The following TEAD1 variants were observed in gnomAD, a reference collection of about 807,000 sequenced individuals.
TEAD1 encodes TEA domain transcription factor 1.
A neutral mutation model predicts 54.9 loss-of-function variants in TEAD1; 9 were observed. The ratio of observed to expected loss-of-function variants is 0.16; its 90% CI spans 0.10 to 0.29. TEAD1 has a LOEUF of 0.29. Among genes scored for constraint, TEAD1 ranks in the 10% least tolerant of loss-of-function variants. The pLI, the probability that TEAD1 is intolerant of heterozygous loss-of-function variation, is 1.00. For missense variants in TEAD1, 387 were observed against 535.9 expected, an observed-to-expected ratio of 0.72 and a Z score of 2.74; for synonymous variants, 200 against 187.8, an observed-to-expected ratio of 1.07 and a Z score of -0.53.
At chr11:12,833,309 C>T (rs1946819320) in intron 3 of TEAD1, among the ~76,000 whole-genome samples, 1 of 152,176 alleles carries the variant, frequency 6.6e-6, no homozygotes. Context: ...TTCAGATCAT[C>T]TTAATTATGA....
Position 12,882,957 on chromosome 11 carries a change from G to C in TEAD1, c.575-44G>C, listed in dbSNP as rs552765194. ...TTCCAGTATTTGCCTGAGGCCCAAG[G>C]GGAGGTGAGTGACCAGCATCAAAGG... On this transcript the variant is annotated intron_variant, in intron 8 of 12. Transcript: ENST00000527636. 2.5e-6 allele frequency: 4 copies of C among 1,614,062 alleles called. No individual in the cohort carries two copies. In the East Asian group the frequency reaches 6.7e-5, roughly 27 times the overall value.
chr11:12,855,259 CT>C (rs1027121545), intron 3 of TEAD1, among the ~76,000 whole-genome samples: 7 of 151,988 alleles, frequency 4.6e-5, no homozygotes, highest in Non-Finnish European at 4.4e-5. Flanking sequence ...TGTTGGCTTG[CT>C]TGCTTTCTTT....
At chr11:12,687,699 C>T (rs186302322) in intron 2 of TEAD1, among the ~76,000 whole-genome samples, 7 of 152,176 alleles carry the variant, frequency 4.6e-5, no homozygotes, top group East Asian at 3.9e-4. Context: ...CATTTTACTC[C>T]CTCTTACAAA....
chr11:12,938,895 C>T lies in TEAD1; in HGVS notation c.*1673C>T, dbSNP rs1306492629. ...GAAATAAGTTTTTTAACTTGTAAAA[C>T]ATGTCAAGATTTTTCCACCAAGCTA... On this transcript the variant is annotated 3_prime_UTR_variant, in exon 13 of 13. Transcript: ENST00000527636. 2.0e-5 allele frequency: 3 copies of T among 152,192 alleles called. No individual in the cohort carries two copies. Among genetic ancestry groups the T allele is most frequent in the Non-Finnish European group, 4.4e-5 (3 of 68,040 alleles). The allele number at this position is 152,192 out of a possible 1,614,324, so 9.4% of individuals were successfully genotyped here.
At chr11:12,904,280 A>C (rs1308115055) in intron 10 of TEAD1, among the ~76,000 whole-genome samples, 1 of 152,174 alleles carries the variant, frequency 6.6e-6, no homozygotes, top group Non-Finnish European at 1.5e-5. Context: ...TATCACATCA[A>C]GGAAAACAAA....
chr11:12,808,205 T>C (rs1156263600), intron 3 of TEAD1, among the ~76,000 whole-genome samples: 2 of 151,834 alleles, frequency 1.3e-5, no homozygotes, highest in Non-Finnish European at 2.9e-5. Flanking sequence ...TCCTTGGGAA[T>C]AATCAAATAC....
At chr11:12,854,758 ATT>A (rs11364747) in intron 3 of TEAD1, among the ~76,000 whole-genome samples, 5,417 of 123,980 alleles carry the variant, frequency 0.044, 342 homozygotes, top group African/African-American at 0.14. Context: ...AGCCTGGCTG[ATT>A]TTTTTTTTTT....
intron 2 of TEAD1, among the ~76,000 whole-genome samples, chr11:12,679,843 T>G (rs974130843): frequency 5.2e-4 from 79 of 152,256 alleles, no homozygotes; most frequent in African/African-American, 1.9e-3. Context: ...GGGAATGAAA[T>G]GAGTGCCTTT....
chr11:12,931,806 A>G (rs1236680103), intron 12 of TEAD1, among the ~76,000 whole-genome samples: 2 of 152,240 alleles, frequency 1.3e-5, no homozygotes, highest in African/African-American at 2.4e-5. Flanking sequence ...ATTTAAAAAT[A>G]AAAACCCTGT....
intron 2 of TEAD1, among the ~76,000 whole-genome samples, chr11:12,696,930 T>C (rs1943598238): frequency 6.6e-6 from 1 of 152,146 alleles, no homozygotes; most frequent in South Asian, 2.1e-4. Flanking sequence ...CAAGAAGGGC[T>C]ACCCACTTCC....
chr11:12,807,014 G>A (rs908052620), intron 3 of TEAD1, among the ~76,000 whole-genome samples: 1 of 152,054 alleles, frequency 6.6e-6, no homozygotes, highest in Admixed American at 6.6e-5. Flanking sequence ...AATTTTCTGG[G>A]GAAGCAAATT....
intron 2 of TEAD1, among the ~76,000 whole-genome samples, chr11:12,691,948 T>G (rs1275127799): frequency 1.3e-5 from 2 of 152,204 alleles, no homozygotes; most frequent in African/African-American, 2.4e-5. Flanking sequence ...TCCTAGTCAT[T>G]TAAAGAATTT....
intron 2 of TEAD1, among the ~76,000 whole-genome samples, chr11:12,688,283 A>G (rs1016573235): frequency 3.3e-5 from 5 of 152,112 alleles, no homozygotes; most frequent in African/African-American, 9.7e-5. Flanking sequence ...GACTCTGAAA[A>G]AGACACTGGG....
intron 3 of TEAD1, among the ~76,000 whole-genome samples, chr11:12,855,230 T>C (rs1223041580): frequency 1.3e-5 from 2 of 152,222 alleles, no homozygotes; most frequent in African/African-American, 4.8e-5. Context: ...CAGTGTCCCC[T>C]TCATCTATAC....
intron 2 of TEAD1, among the ~76,000 whole-genome samples, chr11:12,680,857 C>T (rs1041232878): frequency 3.9e-5 from 6 of 152,150 alleles, no homozygotes; most frequent in South Asian, 2.1e-4. Context: ...CAGCAACAGG[C>T]GGCAGAACTT....
At chr11:12,896,281 C>T (rs1344135378) in intron 9 of TEAD1, among the ~76,000 whole-genome samples, 2 of 152,192 alleles carry the variant, frequency 1.3e-5, no homozygotes, top group Admixed American at 1.3e-4. Flanking sequence ...TGGTGACATC[C>T]TTCCAGGAGT....
intron 2 of TEAD1, among the ~76,000 whole-genome samples, chr11:12,724,496 G>T (rs562276075): frequency 1.3e-5 from 2 of 152,218 alleles, no homozygotes; most frequent in Non-Finnish European, 2.9e-5. Context: ...ATGAAGAGGG[G>T]CAGGCCGCTG....
chr11:12,683,908 ATTAC>A (rs1272920610), intron 2 of TEAD1, among the ~76,000 whole-genome samples: 1 of 152,186 alleles, frequency 6.6e-6, no homozygotes, highest in Non-Finnish European at 1.5e-5. Context: ...CCTTGCACAA[ATTAC>A]TTGTTCTCTG....
chr11:12,909,919 G>A (rs936688331), intron 10 of TEAD1, among the ~76,000 whole-genome samples: 1 of 152,130 alleles, frequency 6.6e-6, no homozygotes, highest in Admixed American at 6.5e-5. Context: ...TTTTATAAAT[G>A]AGGCAAGTAC....
Sources: gnomAD v4.1 joint callset for allele counts (sites outside exome capture counted in the v4.1 genomes callset) on GRCh38, gnomAD v4.1.1 for gene constraint, MANE v1.5 for transcripts, NCBI Gene and HGNC (gene_info 2026-07-23, HGNC 2026-07-21) for gene names.